PPP2R2D: variants seen among roughly 807,000 people sequenced by gnomAD.
The protein encoded by PPP2R2D is serine/threonine-protein phosphatase 2A 55 kDa regulatory subunit B delta isoform.
In PPP2R2D, 9 loss-of-function variants were observed where a neutral mutation model predicts 31.1. That is an observed-to-expected ratio of 0.29 (90% CI 0.17 to 0.51). The LOEUF (loss-of-function observed/expected upper bound fraction) is 0.51. PPP2R2D is among the 20% of genes least tolerant of loss of function. PPP2R2D has a pLI of 0.98. For synonymous variants in PPP2R2D, 179 were observed against 172.6 expected (o/e 1.04, Z -0.29); for missense variants, 391 against 465.6 (o/e 0.84, Z 1.48).
chr10:131,965,185 C>G, the PPP2R2D span, among the ~76,000 whole-genome samples: 16 of 152,350 alleles, frequency 1.1e-4, no homozygotes, highest in African/African-American at 3.6e-4. Flanking sequence ...GAGGGGGCCA[C>G]ATGGCTGGCA....
At chr10:131,966,037 A>C in the PPP2R2D span, among the ~76,000 whole-genome samples, 2 of 152,212 alleles carry the variant, frequency 1.3e-5, no homozygotes, top group Non-Finnish European at 2.9e-5. Flanking sequence ...ATCCTTGTGC[A>C]TGTGCATGTA....
intron 5 of PPP2R2D, among the ~76,000 whole-genome samples, 183 bp from the exon 6 acceptor site, chr10:131,943,785 C>T (rs1176219192): frequency 1.3e-5 from 2 of 152,202 alleles, no homozygotes; most frequent in African/African-American, 4.8e-5. Flanking sequence ...TTGGAATAGA[C>T]AGTATTCCAT....
At chr10:131,949,660 C>G (rs1381883331) in intron 8 of PPP2R2D, among the ~76,000 whole-genome samples, 1 of 152,170 alleles carries the variant, frequency 6.6e-6, no homozygotes, top group Non-Finnish European at 1.5e-5. Context: ...CAGCCTGAAC[C>G]AGGAGCCACA....
chr10:131,941,174 C>T (rs764025281), intron 5 of PPP2R2D, among the ~76,000 whole-genome samples: 2 of 152,222 alleles, frequency 1.3e-5, no homozygotes, highest in Non-Finnish European at 2.9e-5. Context: ...AACTCTCCAC[C>T]TGTCCATCCA....
chr10:131,952,041 C>T lies in PPP2R2D; in HGVS notation c.1083-3643C>T, dbSNP rs990136129. Among the ~76,000 whole-genome samples, 3 of 142,818 alleles carry T rather than the reference C, an allele frequency of 2.1e-5. No individual in the cohort carries two copies. In the South Asian group the frequency reaches 6.8e-4, roughly 33 times the overall value. 93.7% of individuals were successfully genotyped at this position (142,818 alleles called of 152,430 possible). On this transcript the variant is annotated intron_variant, in intron 8 of 8. Coordinates refer to ENST00000455566, the MANE Select transcript of PPP2R2D (RefSeq NM_018461.5). Reference sequence around the variant, plus strand: ...GACTTGCGGGTGTGCAGGGGGTTCACCACCTTACCAGTGACTTGCAGGGGG... The same window carrying T: ...GACTTGCGGGTGTGCAGGGGGTTCATCACCTTACCAGTGACTTGCAGGGGG...
At chr10:131,941,499 C>T (rs1223824895) in intron 5 of PPP2R2D, among the ~76,000 whole-genome samples, 7 of 151,108 alleles carry the variant, frequency 4.6e-5, no homozygotes, top group South Asian at 2.1e-4. Context: ...AAGGGGGTGC[C>T]GTTACTAGAT....
intron 2 of PPP2R2D, among the ~76,000 whole-genome samples, chr10:131,921,619 G>T (rs1315230590): frequency 6.6e-6 from 1 of 152,236 alleles, no homozygotes; most frequent in South Asian, 2.1e-4. Context: ...ACTAAGGGCA[G>T]TGAGGATTCA....
In PPP2R2D at chr10:131,956,440, G is replaced by A. The variant is rs2036800733; in HGVS notation, c.*477G>A. ...AGGTGGACTCTGTGGATGTGTGGAT[G>A]TGGCCCGAGCAGGCTCAGGCGGCCC... On this transcript the variant is annotated 3_prime_UTR_variant, in exon 9 of 9. Transcript: ENST00000455566. The A allele has an allele frequency of 3.0e-6, 3 of 985,626 alleles. No homozygotes were observed. The highest frequency in any genetic ancestry group is 3.6e-6 in the Non-Finnish European group (3 of 830,190). 61.1% of individuals were successfully genotyped at this position (985,626 alleles called of 1,614,324 possible).
At chr10:131,924,483 G>C (rs189835671) in intron 2 of PPP2R2D, among the ~76,000 whole-genome samples, 2 of 152,046 alleles carry the variant, frequency 1.3e-5, no homozygotes, top group Admixed American at 6.5e-5. Context: ...TCAGTTGACC[G>C]TAAGTGTCCT....
In PPP2R2D at chr10:131,956,244, TC is replaced by T. The variant is rs2036795284; in HGVS notation, c.*283del. Reference sequence around the variant, plus strand: ...CTCAGAATAAATGTATTTATTTCAGTCCGAGCCTTCCTTTCCAATTTATAGA... The same window carrying T: ...CTCAGAATAAATGTATTTATTTCAGTCGAGCCTTCCTTTCCAATTTATAGA... On this transcript the variant is annotated 3_prime_UTR_variant, in exon 9 of 9. Coordinates refer to ENST00000455566, the MANE Select transcript of PPP2R2D (RefSeq NM_018461.5). 11 of 1,125,572 alleles carry T rather than the reference TC, an allele frequency of 9.8e-6. No individual in the cohort carries two copies. The highest frequency in any genetic ancestry group is 1.2e-5 in the Non-Finnish European group (11 of 920,858). 69.7% of individuals were successfully genotyped at this position (1,125,572 alleles called of 1,614,324 possible).
intron 2 of PPP2R2D, among the ~76,000 whole-genome samples, chr10:131,918,123 T>C (rs2035858240): frequency 8.9e-6 from 1 of 112,974 alleles, no homozygotes; most frequent in African/African-American, 3.5e-5. Context: ...GGAATGTCAG[T>C]GTTTGTAGGG....
chr10:131,940,001 C>G (rs1554896972), intron 3 of PPP2R2D, 30 bp from the exon 4 acceptor site: 1 of 642,698 alleles, frequency 1.6e-6, no homozygotes, highest in East Asian at 2.6e-5. Context: ...GTGCTTTGTT[C>G]ATTAAAACAG....
downstream of PPP2R2D, among the ~76,000 whole-genome samples, chr10:131,960,862 A>G (rs1284173894): frequency 2.6e-5 from 4 of 152,138 alleles, no homozygotes; most frequent in Admixed American, 2.6e-4. Context: ...TGGGTAGCAG[A>G]GGTCGCATCT....
chr10:131,960,450 A>G (rs142857169), downstream of PPP2R2D, among the ~76,000 whole-genome samples: 2,369 of 152,230 alleles, frequency 0.016, 26 homozygotes, highest in Middle Eastern at 0.037. Context: ...GCTCCTATGA[A>G]CCAGTTTATG....
At chr10:131,909,640 A>G (rs2035650909) in intron 2 of PPP2R2D, among the ~76,000 whole-genome samples, 1 of 152,216 alleles carries the variant, frequency 6.6e-6, no homozygotes, top group African/African-American at 2.4e-5. Flanking sequence ...TACAGAAAAC[A>G]GGCAGCTGGC....
downstream of PPP2R2D, among the ~76,000 whole-genome samples, chr10:131,963,544 C>T (rs1006514545): frequency 5.9e-5 from 9 of 152,316 alleles, no homozygotes; most frequent in African/African-American, 1.9e-4. Context: ...GTCCTCACTG[C>T]GCGCGTCTGG....
chr10:131,932,280 G>A (rs1554895784), intron 2 of PPP2R2D, among the ~76,000 whole-genome samples: 1 of 152,164 alleles, frequency 6.6e-6, no homozygotes, highest in Non-Finnish European at 1.5e-5. Context: ...GTCTCCATGG[G>A]ATGGCCAGGA....
intron 2 of PPP2R2D, among the ~76,000 whole-genome samples, chr10:131,927,281 C>T (rs950708506): frequency 2.6e-5 from 4 of 152,030 alleles, no homozygotes; most frequent in African/African-American, 7.2e-5. Context: ...GAGAAACTCT[C>T]CCCCCGGGGA....
At chr10:131,931,548 A>G (rs1233803404) in intron 2 of PPP2R2D, among the ~76,000 whole-genome samples, 1 of 152,132 alleles carries the variant, frequency 6.6e-6, no homozygotes, top group African/African-American at 2.4e-5. Flanking sequence ...GGGCTTTGCC[A>G]TGTTGGCCAG....
Sources: gnomAD v4.1 joint callset for allele counts (sites outside exome capture counted in the v4.1 genomes callset) on GRCh38, gnomAD v4.1.1 for gene constraint, MANE v1.5 for transcripts, NCBI Gene and HGNC (gene_info 2026-07-23, HGNC 2026-07-21) for gene names.